Variants in GRM7 observed in about 807,000 individuals in gnomAD.
GRM7 encodes the protein glutamate metabotropic receptor 7.
In GRM7, 35 loss-of-function variants were observed where a neutral mutation model predicts 84.5. The ratio of observed to expected loss-of-function variants is 0.41; its 90% CI spans 0.32 to 0.55. The LOEUF (loss-of-function observed/expected upper bound fraction) is 0.55, where lower values mean the gene tolerates loss of function less well. Ranked by LOEUF, GRM7 falls within the 20% of genes least tolerant of loss-of-function variation. GRM7 has a pLI of 0.19. For synonymous variants in GRM7, 487 were observed against 455.1 expected, an observed-to-expected ratio of 1.07 and a Z score of -0.89; for missense variants, 1,003 against 1,194.6, an observed-to-expected ratio of 0.84 and a Z score of 2.36.
At chr3:6,872,068 T>C (rs1245663828) in intron 1 of GRM7, among the ~76,000 whole-genome samples, 1 of 151,342 alleles carries the variant, frequency 6.6e-6, no homozygotes, top group Admixed American at 6.6e-5. Flanking sequence ...ATGAGAAGAG[T>C]ATGGAAAGAG....
intron 1 of GRM7, among the ~76,000 whole-genome samples, chr3:7,090,943 A>G (rs1177617576): frequency 1.3e-5 from 2 of 152,202 alleles, no homozygotes; most frequent in Non-Finnish European, 1.5e-5. Context: ...AGAAAATTAC[A>G]TAAAAAGAAA....
chr3:7,522,351 C>G (rs1700628783), intron 7 of GRM7, among the ~76,000 whole-genome samples: 1 of 152,112 alleles, frequency 6.6e-6, no homozygotes, highest in Non-Finnish European at 1.5e-5. Flanking sequence ...GGTTCCTGCT[C>G]TTCTTTTTCT....
At chr3:7,359,437 C>T (rs900231624) in intron 4 of GRM7, among the ~76,000 whole-genome samples, 4 of 143,062 alleles carry the variant, frequency 2.8e-5, no homozygotes, top group Admixed American at 7.1e-5. Context: ...TGGGTTCAAG[C>T]GATTCTCCTG....
chr3:7,653,299 AT>A (rs910898515), intron 8 of GRM7, among the ~76,000 whole-genome samples: 10 of 145,946 alleles, frequency 6.9e-5, no homozygotes, highest in African/African-American at 2.6e-4. Context: ...AGTATTATTA[AT>A]TTTTTAAAAG....
At chr3:7,111,259 C>T (rs531172083) in intron 1 of GRM7, among the ~76,000 whole-genome samples, 1 of 152,052 alleles carries the variant, frequency 6.6e-6, no homozygotes, top group South Asian at 2.1e-4. Context: ...CACATGGCCT[C>T]ACATGCATTT....
intron 4 of GRM7, among the ~76,000 whole-genome samples, chr3:7,397,209 C>A (rs1257994048): frequency 6.6e-6 from 1 of 152,124 alleles, no homozygotes; most frequent in Non-Finnish European, 1.5e-5. Context: ...GGAAGTTTAT[C>A]ATATTGAAAT....
At chr3:7,200,348 G>A (rs1201307110) in intron 2 of GRM7, among the ~76,000 whole-genome samples, 1 of 152,202 alleles carries the variant, frequency 6.6e-6, no homozygotes, top group African/African-American at 2.4e-5. Context: ...ATCCAGGGAA[G>A]GGGGTTGGGA....
At chr3:7,421,835 A>G (rs1696407210) in intron 5 of GRM7, among the ~76,000 whole-genome samples, 2 of 151,380 alleles carry the variant, frequency 1.3e-5, no homozygotes, top group South Asian at 2.1e-4. Context: ...TTAAAGGAGT[A>G]AAATACATTT....
chr3:7,142,671 C>T lies in GRM7; in HGVS notation c.520-3781C>T, dbSNP rs562257532. On this transcript the variant is annotated intron_variant, in intron 1 of 9. Transcript: ENST00000357716. Reference sequence around the variant, plus strand: ...AAGCCTAACCATATCAGTATCTGTGCATAACCAAATATACACACAAAGGCA... The same window carrying T: ...AAGCCTAACCATATCAGTATCTGTGTATAACCAAATATACACACAAAGGCA... 9.9e-5 allele frequency among the ~76,000 whole-genome samples: 15 copies of T among 152,150 alleles called. No homozygotes were observed. In the East Asian group the frequency reaches 2.1e-3, roughly 22 times the overall value.
chr3:7,675,090 AG>A (rs1700074298), intron 8 of GRM7, among the ~76,000 whole-genome samples: 1 of 152,242 alleles, frequency 6.6e-6, no homozygotes, highest in Admixed American at 6.5e-5. Flanking sequence ...GTGATTCATT[AG>A]TATTCATATA....
intron 8 of GRM7, among the ~76,000 whole-genome samples, chr3:7,659,095 A>T (rs1309824181): frequency 6.6e-6 from 1 of 152,210 alleles, no homozygotes; most frequent in Non-Finnish European, 1.5e-5. Context: ...ATTTCTGTTG[A>T]GCTGTCTCCC....
intron 1 of GRM7, among the ~76,000 whole-genome samples, chr3:7,050,995 C>G (rs1696978784): frequency 6.6e-6 from 1 of 151,772 alleles, no homozygotes; most frequent in Non-Finnish European, 1.5e-5. Flanking sequence ...AGTATTAGAG[C>G]TTTAGTTTGC....
At chr3:7,018,341 A>G (rs2124907259) in intron 1 of GRM7, among the ~76,000 whole-genome samples, 1 of 152,394 alleles carries the variant, frequency 6.6e-6, no homozygotes, top group South Asian at 2.1e-4. Context: ...GTAGAATTAC[A>G]GAGAAGTGGG....
chr3:7,097,342 A>T (rs957995848), intron 1 of GRM7, among the ~76,000 whole-genome samples: 2 of 152,172 alleles, frequency 1.3e-5, no homozygotes, highest in African/African-American at 4.8e-5. Context: ...AGGAACAAAA[A>T]ATATGAGCCA....
At chr3:7,149,571 G>T (rs1694214666) in intron 2 of GRM7, among the ~76,000 whole-genome samples, 1 of 152,050 alleles carries the variant, frequency 6.6e-6, no homozygotes, top group Admixed American at 6.5e-5. Context: ...CCTCACAAAA[G>T]ATACAAACCC....
chr3:7,175,107 T>C (rs1695103363), intron 2 of GRM7, among the ~76,000 whole-genome samples: 3 of 152,188 alleles, frequency 2.0e-5, no homozygotes, highest in South Asian at 4.1e-4. Context: ...AAGTATGTGT[T>C]TTACTTGGTT....
chr3:7,271,879 A>G (rs530709792), intron 2 of GRM7, among the ~76,000 whole-genome samples: 1 of 152,264 alleles, frequency 6.6e-6, no homozygotes, highest in African/African-American at 2.4e-5. Context: ...GACAGCTGAT[A>G]ACTGCTTAGT....
chr3:7,264,173 G>A (rs1369218660), intron 2 of GRM7, among the ~76,000 whole-genome samples: 3 of 152,120 alleles, frequency 2.0e-5, no homozygotes, highest in Non-Finnish European at 2.9e-5. Context: ...CCAACATACC[G>A]AGGGGTGTTC....
intron 2 of GRM7, among the ~76,000 whole-genome samples, chr3:7,234,235 A>G (rs1697280453): frequency 6.6e-6 from 1 of 152,208 alleles, no homozygotes; most frequent in Admixed American, 6.5e-5. Context: ...TGACCTTTTA[A>G]TGTAGTTTCT....
Sources: gnomAD v4.1 joint callset for allele counts (sites outside exome capture counted in the v4.1 genomes callset) on GRCh38, gnomAD v4.1.1 for gene constraint, MANE v1.5 for transcripts, NCBI Gene and HGNC (gene_info 2026-07-23, HGNC 2026-07-21) for gene names.